UBE2U: variants seen among roughly 807,000 people sequenced by gnomAD.
UBE2U encodes the protein ubiquitin-conjugating enzyme E2 U.
A neutral mutation model predicts 41.2 loss-of-function variants in UBE2U; 39 were observed. The observed-to-expected ratio is 0.95, with a 90% CI of 0.73 to 1.24. UBE2U has a LOEUF of 1.24. Ranked by LOEUF, UBE2U falls within the 50% of genes most tolerant of loss-of-function variation. The pLI, the probability that UBE2U is intolerant of heterozygous loss-of-function variation, is 0.00. For missense variants in UBE2U, 336 were observed against 363.1 expected, an observed-to-expected ratio of 0.93 and a Z score of 0.61; for synonymous variants, 107 against 117.8, an observed-to-expected ratio of 0.91 and a Z score of 0.60.
At chr1:64,230,401 G>C (rs1231186186) in intron 6 of UBE2U, among the ~76,000 whole-genome samples, 1 of 152,140 alleles carries the variant, frequency 6.6e-6, no homozygotes, top group Non-Finnish European at 1.5e-5. Flanking sequence ...ACCGTTCTCT[G>C]CCTAAATTTG....
chr1:64,257,700 C>CA (rs1388787688), intron 8 of UBE2U, among the ~76,000 whole-genome samples: 1 of 152,068 alleles, frequency 6.6e-6, no homozygotes, highest in Non-Finnish European at 1.5e-5. Flanking sequence ...ATGATCTGTG[C>CA]AGTAATCCAC....
At chr1:64,254,398 G>A (rs1031594280) in intron 8 of UBE2U, among the ~76,000 whole-genome samples, 1 of 150,004 alleles carries the variant, frequency 6.7e-6, no homozygotes, top group African/African-American at 2.5e-5. Flanking sequence ...TTCAGCTCTG[G>A]GTCAGGTGGA....
At chr1:64,243,224 CA>C (rs1276494196) in intron 8 of UBE2U, among the ~76,000 whole-genome samples, 1 of 152,102 alleles carries the variant, frequency 6.6e-6, no homozygotes, top group East Asian at 1.9e-4. Context: ...TTTGCTGCTT[CA>C]AAACGCTGGT....
chr1:64,255,271 A>G lies in UBE2U; in HGVS notation c.678-5332A>G, dbSNP rs138000844. On this transcript the variant is annotated intron_variant, in intron 8 of 9. Transcript: ENST00000371077. ...AATAATGAGTTCTGAAATTGAGGCA[A>G]TAATAGCCTACCAACCAAAAAAAAA... 3.5e-3 allele frequency among the ~76,000 whole-genome samples: 529 copies of G among 151,856 alleles called. 5 individuals carry two copies. Among genetic ancestry groups the G allele is most frequent in the African/African-American group, 0.012 (513 of 41,490 alleles).
At chr1:64,242,794 C>T (rs1644857098) in intron 8 of UBE2U, among the ~76,000 whole-genome samples, 1 of 152,016 alleles carries the variant, frequency 6.6e-6, no homozygotes, top group African/African-American at 2.4e-5. Flanking sequence ...GTTTTTTATC[C>T]AGCAAAATTT....
At chr1:64,253,575 C>T (rs1645045379) in intron 8 of UBE2U, among the ~76,000 whole-genome samples, 2 of 151,950 alleles carry the variant, frequency 1.3e-5, no homozygotes, top group South Asian at 4.2e-4. Context: ...TCAGCAGAAA[C>T]CCTACAAACT....
At chr1:64,239,157 A>AAGAAGAAGAAGGAGAAGAAG in intron 7 of UBE2U, among the ~76,000 whole-genome samples, 2 of 37,064 alleles carry the variant, frequency 5.4e-5, no homozygotes, top group African/African-American at 1.7e-4. Context: ...GAAGAAGAAG[A>AAGAAGAAGAAGGAGAAGAAG]AAGAAGAAGA....
intron 7 of UBE2U, among the ~76,000 whole-genome samples, chr1:64,235,662 A>G (rs1050060972): frequency 1.3e-5 from 2 of 152,212 alleles, no homozygotes; most frequent in Non-Finnish European, 2.9e-5. Context: ...TTTATCTTTT[A>G]TGAGTAGTGG....
At chr1:64,250,614 A>G (rs12727550) in intron 8 of UBE2U, among the ~76,000 whole-genome samples, 25,309 of 151,820 alleles carry the variant, frequency 0.17, 2,423 homozygotes, top group East Asian at 0.42. Flanking sequence ...ACATGCACAC[A>G]TATGTTTAGT....
intron 6 of UBE2U, among the ~76,000 whole-genome samples, chr1:64,228,934 C>T (rs1305191783): frequency 1.3e-5 from 2 of 148,572 alleles, no homozygotes; most frequent in African/African-American, 5.0e-5. Context: ...GATCTCAGCT[C>T]ACGGCAACCT....
At position 64,260,706 on chromosome 1, in the gene UBE2U, C is replaced by T; in HGVS notation, c.769+12C>T. ...CTGCCCAACTCTAAGTAAATCGATT[C>T]ACTCTATTTGTTTTGCTTTTATAAA... is the stretch of plus-strand genomic sequence containing the variant. On this transcript the variant is annotated intron_variant, in intron 9 of 9. Transcript: ENST00000371077. 6.5e-7 allele frequency: 1 copy of T among 1,539,488 alleles called. No individual in the cohort carries two copies. The highest frequency in any genetic ancestry group is 1.2e-5 in the South Asian group (1 of 82,948).
chr1:64,265,050 T>C (rs1645235683), intron 9 of UBE2U, among the ~76,000 whole-genome samples: 1 of 152,162 alleles, frequency 6.6e-6, no homozygotes, highest in African/African-American at 2.4e-5. Context: ...GGTTTTGCCG[T>C]CCACTCTTAA....
At chr1:64,233,091 T>A (rs1644600191) in intron 7 of UBE2U, among the ~76,000 whole-genome samples, 1 of 151,966 alleles carries the variant, frequency 6.6e-6, no homozygotes, top group African/African-American at 2.4e-5. Context: ...CACTACAAGC[T>A]CCGCCTCCCA....
chr1:64,212,170 A>G (rs7546938), intron 4 of UBE2U, among the ~76,000 whole-genome samples: 1 of 151,830 alleles, frequency 6.6e-6, no homozygotes, highest in African/African-American at 2.4e-5. Flanking sequence ...TGAGCAAAAA[A>G]TTTAAGGGAG....
intron 7 of UBE2U, among the ~76,000 whole-genome samples, chr1:64,237,272 C>A (rs1644684748): frequency 1.4e-5 from 2 of 147,662 alleles, no homozygotes; most frequent in East Asian, 2.0e-4. Flanking sequence ...TCAGGGCAAC[C>A]CGTACAGATG....
At chr1:64,249,487 A>G (rs567011095) in intron 8 of UBE2U, among the ~76,000 whole-genome samples, 3 of 152,086 alleles carry the variant, frequency 2.0e-5, no homozygotes, top group African/African-American at 7.2e-5. Context: ...GATAGAGAGG[A>G]TAGAATTAAC....
chr1:64,232,485 T>C, intron 6 of UBE2U, 76 bp from the exon 7 acceptor site: 1 of 998,890 alleles, frequency 1.0e-6, no homozygotes, highest in Non-Finnish European at 1.5e-6. Flanking sequence ...ATGTGAACAG[T>C]CCATATAGCA....
At chr1:64,239,104 A>AG (rs1491443955) in intron 7 of UBE2U, among the ~76,000 whole-genome samples, 8 of 17,026 alleles carry the variant, frequency 4.7e-4, no homozygotes, top group African/African-American at 1.3e-3. Context: ...AAGAAGAAGA[A>AG]GAAGAAGAAG....
At chr1:64,239,166 G>GAAGAAGAAGAA (rs1644776301) in intron 7 of UBE2U, among the ~76,000 whole-genome samples, 1 of 84,728 alleles carries the variant, frequency 1.2e-5, no homozygotes, top group Admixed American at 1.2e-4. Flanking sequence ...GAAAGAAGAA[G>GAAGAAGAAGAA]AAGAAGAAGA....
Sources: gnomAD v4.1 joint callset for allele counts (sites outside exome capture counted in the v4.1 genomes callset) on GRCh38, gnomAD v4.1.1 for gene constraint, MANE v1.5 for transcripts, NCBI Gene and HGNC (gene_info 2026-07-23, HGNC 2026-07-21) for gene names.